GIMAP8: variants seen among roughly 807,000 people sequenced by gnomAD.
GIMAP8 encodes the protein GTPase, IMAP family member 8, also known as GTPase IMAP family member 8.
Under a neutral mutation model 35.6 loss-of-function variants are expected in GIMAP8, and 29 were observed. That is an observed-to-expected ratio of 0.81 (90% CI 0.61 to 1.11). GIMAP8 has a LOEUF of 1.11. GIMAP8 is among the 50% of genes most tolerant of loss of function. The pLI, the probability that GIMAP8 is intolerant of heterozygous loss-of-function variation, is 0.00. For synonymous variants in GIMAP8, 335 were observed against 308.7 expected, an observed-to-expected ratio of 1.09 and a Z score of -0.89; for missense variants, 811 against 805.0, an observed-to-expected ratio of 1.01 and a Z score of -0.09.
At chr7:150,475,336 T>G (rs1163073510) in intron 4 of GIMAP8, among the ~76,000 whole-genome samples, 1 of 152,226 alleles carries the variant, frequency 6.6e-6, no homozygotes, top group African/African-American at 2.4e-5. Context: ...ATAGGTCTGT[T>G]CTATGGACTA....
rs766836722 is a variant in GIMAP8 at position 150,467,105 on chromosome 7, A to C, written c.407A>C (p.Lys136Thr). Residue 136 changes from lysine to threonine, a missense_variant, in exon 2 of 5, where the codon AAG becomes ACG. Transcript: ENST00000307271. ...RRHIIIVFTRKDDLGDDLLQD... is the reference protein window; with the variant it reads ...RRHIIIVFTRTDDLGDDLLQD... ...CACATCATTATTGTCTTCACTCGGA[A>C]GGATGATTTGGGGGATGACTTGCTG... 1 of 1,614,212 alleles carries C rather than the reference A, an allele frequency of 6.2e-7. No individual in the cohort carries two copies. Among genetic ancestry groups the C allele is most frequent in the Non-Finnish European group, 8.5e-7 (1 of 1,180,024 alleles).
intron 1 of GIMAP8, among the ~76,000 whole-genome samples, chr7:150,452,675 G>GATAGATAGATATATATAT (rs1379119203): frequency 1.3e-5 from 1 of 79,670 alleles, no homozygotes; most frequent in African/African-American, 5.3e-5. Flanking sequence ...GTGTGTGTGA[G>GATAGATAGATATATATAT]ATATATATAT....
chr7:150,470,402 T>C (rs1174248841), intron 2 of GIMAP8, among the ~76,000 whole-genome samples: 1 of 152,168 alleles, frequency 6.6e-6, no homozygotes, highest in East Asian at 1.9e-4. Context: ...TGGAACTAAG[T>C]ATCAGGATTC....
chr7:150,477,858 T>C lies in GIMAP8; in HGVS notation c.*78T>C, dbSNP rs1244257464. 1.7e-6 allele frequency: 2 copies of C among 1,175,868 alleles called. No homozygotes were observed. Among genetic ancestry groups the C allele is most frequent in the Non-Finnish European group, 2.4e-6 (2 of 829,648 alleles). The allele number at this position is 1,175,868 out of a possible 1,614,324, so 72.8% of individuals were successfully genotyped here. ...GAGGGGCGGGGCATGGTACAACCTG[T>C]GGGAAGGGAAGCGGGTTCATGGCTT... On this transcript the variant is annotated 3_prime_UTR_variant, in exon 5 of 5. Transcript: ENST00000307271.
rs756114275 is a variant in GIMAP8, at chr7:150,474,067, A to G, written c.738A>G (p.Ser246=). The G allele has an allele frequency of 6.2e-7, 1 of 1,614,200 alleles. No homozygotes were observed. The highest frequency in any genetic ancestry group is 1.1e-5 in the South Asian group (1 of 91,086). Residue 246 remains serine (S), a synonymous_variant, in exon 4 of 5, where the codon TCA becomes TCG. Coordinates refer to ENST00000307271, the MANE Select transcript of GIMAP8 (RefSeq NM_175571.4). ...STGPEQNPGT[S]ELTVLLVGKR... ...GACCCGAGCAGAATCCGGGGACATC[A>G]GAACTGACAGTCCTCCTTGTGGGGA...
chr7:150,466,912 T>G lies in GIMAP8; in HGVS notation c.214T>G (p.Ser72Ala). 2 of 1,614,240 alleles carry G rather than the reference T, an allele frequency of 1.2e-6. No homozygotes were observed. Among genetic ancestry groups the G allele is most frequent in the Non-Finnish European group, 1.7e-6 (2 of 1,180,032 alleles). ...VVIDTPDLFS[S>A]IACAEDKQRN... is the part of the protein sequence containing the mutation. Reference sequence around the variant, plus strand: ...AATTGACACCCCTGACCTTTTCTCCTCAATAGCTTGTGCTGAAGACAAGCA... The same window carrying G: ...AATTGACACCCCTGACCTTTTCTCCGCAATAGCTTGTGCTGAAGACAAGCA... The change falls in exon 2 of 5, where the codon TCA becomes GCA. Residue 72 changes from serine to alanine, a missense_variant. By Grantham distance (99) the Ser-to-Ala change is moderately conservative. Coordinates refer to ENST00000307271, the MANE Select transcript of GIMAP8 (RefSeq NM_175571.4).
At chr7:150,454,239 T>A (rs565047984) in intron 1 of GIMAP8, among the ~76,000 whole-genome samples, 1 of 151,252 alleles carries the variant, frequency 6.6e-6, no homozygotes, top group Non-Finnish European at 1.5e-5. Context: ...TGCCTTTTAC[T>A]TTGAATGGGT....
chr7:150,471,020 C>T (rs1274786301), intron 3 of GIMAP8, 146 bp downstream of exon 3: 9 of 661,820 alleles, frequency 1.4e-5, no homozygotes, highest in African/African-American at 3.6e-5. Context: ...CAAGCTATCC[C>T]CTAGGAAACT....
chr7:150,474,631 AG>A lies in GIMAP8; in HGVS notation c.1303del (p.Glu435LysfsTer5), dbSNP rs755029357. ...QNGNKHCVFR[E>X]KETLNIVLVG... ...ATGGGAACAAGCATTGTGTTTTCAG[AG>A]AAAAAGGTAAAACTGTGAATAGGAT... On this transcript the variant is annotated frameshift_variant, in exon 4 of 5. Transcript: ENST00000307271. LOFTEE classifies it low-confidence loss of function (END_TRUNC). 5 of 1,581,272 alleles carry A rather than the reference AG, an allele frequency of 3.2e-6. No homozygotes were observed. Among genetic ancestry groups the A allele is most frequent in the Non-Finnish European group, 3.4e-6 (4 of 1,167,652 alleles).
intron 1 of GIMAP8, among the ~76,000 whole-genome samples, chr7:150,455,434 T>A (rs1218312560): frequency 6.6e-6 from 1 of 152,206 alleles, no homozygotes; most frequent in African/African-American, 2.4e-5. Context: ...TTAAGTAATA[T>A]TGGCATTTAG....
intron 1 of GIMAP8, among the ~76,000 whole-genome samples, chr7:150,459,056 G>A (rs896625655): frequency 6.6e-6 from 1 of 152,168 alleles, no homozygotes; most frequent in African/African-American, 2.4e-5. Flanking sequence ...TATCTGGGGA[G>A]GTGGAGGGTG....
At chr7:150,463,915 T>C (rs754739915) in intron 1 of GIMAP8, among the ~76,000 whole-genome samples, 1 of 152,052 alleles carries the variant, frequency 6.6e-6, no homozygotes, top group African/African-American at 2.4e-5. Context: ...GGATGATATA[T>C]GTAGCATTGG....
rs1006580026 is a variant in GIMAP8 at position 150,479,344 on chromosome 7, T to C, written c.*1564T>C. The C allele has an allele frequency of 6.6e-6, 1 of 152,246 alleles. No individual in the cohort carries two copies. The highest frequency in any genetic ancestry group is 2.4e-5 in the African/African-American group (1 of 41,462). The allele number at this position is 152,246 out of a possible 1,614,324, so 9.4% of individuals were successfully genotyped here. A position where few individuals can be genotyped will look rare whatever the true frequency, so the allele number is the denominator to read the frequency against. ...AAATTGGAAAGTAAAAAAAAGTGTG[T>C]AAATATATTTAGTTGAATCAAATAA... On this transcript the variant is annotated 3_prime_UTR_variant, in exon 5 of 5. Coordinates refer to ENST00000307271, the MANE Select transcript of GIMAP8 (RefSeq NM_175571.4).
At chr7:150,476,544 CCTAA>C (rs548030114) in intron 4 of GIMAP8, among the ~76,000 whole-genome samples, 173 of 152,260 alleles carry the variant, frequency 1.1e-3, no homozygotes, top group African/African-American at 1.9e-3. Flanking sequence ...TTTTACATGT[CCTAA>C]CTAAGGAAAC....
At position 150,465,230 on chromosome 7, in the gene GIMAP8, G is replaced by A. The variant is rs778135131; in HGVS notation, c.-28-1441G>A. The stretch of plus-strand genomic sequence containing the variant: ...CCATGGAGGGGTGGCCATCCAAGAG[G>A]GTGCTGTACGAAGCTTTCATAGGGA... On this transcript the variant is annotated intron_variant, in intron 1 of 4. Transcript: ENST00000307271. Among the ~76,000 whole-genome samples the A allele has an allele frequency of 3.8e-4, 58 of 152,144 alleles. 2 individuals carry two copies. The highest frequency in any genetic ancestry group is 7.4e-5 in the Non-Finnish European group (5 of 68,024).
intron 1 of GIMAP8, among the ~76,000 whole-genome samples, chr7:150,456,695 A>G (rs905451092): frequency 2.6e-5 from 4 of 152,234 alleles, no homozygotes; most frequent in Non-Finnish European, 5.9e-5. Flanking sequence ...GAAAGTACTT[A>G]GATTCCCCCT....
chr7:150,460,276 A>C (rs1801816148), intron 1 of GIMAP8, among the ~76,000 whole-genome samples: 1 of 152,172 alleles, frequency 6.6e-6, no homozygotes, highest in South Asian at 2.1e-4. Flanking sequence ...TGCTGAAGTC[A>C]CCCTTTGGTA....
At position 150,474,517 on chromosome 7, in the gene GIMAP8, T is replaced by C. The variant is rs765219993; in HGVS notation, c.1188T>C (p.Tyr396=). ...YGLIQKCKNR[Y]SAFNYRATGE... ...TCATCCAGAAGTGTAAAAACAGATA[T>C]AGTGCCTTCAACTACCGGGCAACAG... The change falls in exon 4 of 5, where the codon TAT becomes TAC. Residue 396 remains tyrosine, a synonymous_variant. Coordinates refer to ENST00000307271, the MANE Select transcript of GIMAP8 (RefSeq NM_175571.4). 3 of 1,577,652 alleles carry C rather than the reference T, an allele frequency of 1.9e-6. No homozygotes were observed. Among genetic ancestry groups the C allele is most frequent in the African/African-American group, 1.3e-5 (1 of 74,672 alleles).
At position 150,477,260 on chromosome 7, in the gene GIMAP8, A is replaced by G. The variant is rs760726436; in HGVS notation, c.1478A>G (p.Asp493Gly). ...GACGGACAGGAGGTGGTGGTTGTGGACACTCCTTCCTTCAACCAGATGCTG... is the reference window on the plus strand; with the variant it reads ...GACGGACAGGAGGTGGTGGTTGTGGGCACTCCTTCCTTCAACCAGATGCTG... Reference protein sequence around the residue: ...TWDGQEVVVVDTPSFNQMLDV... With the variant: ...TWDGQEVVVVGTPSFNQMLDV... Residue 493 changes from aspartate (D) to glycine (G), a missense_variant, in exon 5 of 5, where the codon GAC (aspartate) becomes GGC (glycine). By Grantham distance (94) the Asp-to-Gly change is moderately conservative (BLOSUM62 -1). Coordinates refer to ENST00000307271, the MANE Select transcript of GIMAP8 (RefSeq NM_175571.4). The G allele has an allele frequency of 6.2e-7, 1 of 1,614,064 alleles. No homozygotes were observed. The highest frequency in any genetic ancestry group is 8.5e-7 in the Non-Finnish European group (1 of 1,180,014).
Sources: gnomAD v4.1 joint callset for allele counts (sites outside exome capture counted in the v4.1 genomes callset) on GRCh38, gnomAD v4.1.1 for gene constraint, MANE v1.5 for transcripts, NCBI Gene and HGNC (gene_info 2026-07-23, HGNC 2026-07-21) for gene names.